Variants in FAF1 observed in about 807,000 individuals in gnomAD.
FAF1 encodes the protein Fas associated factor 1, also known as FAS-associated factor 1.
A neutral mutation model predicts 92.5 loss-of-function variants in FAF1; 25 were observed. The observed-to-expected ratio is 0.27, with a 90% CI of 0.20 to 0.38. FAF1 has a LOEUF of 0.38. Ranked by LOEUF, FAF1 falls within the 10% of genes least tolerant of loss-of-function variation. The probability of loss-of-function intolerance (pLI) is 1.00; values close to 1 mark genes in which losing one functional copy is unlikely to be tolerated. For synonymous variants in FAF1, 234 were observed against 273.2 expected (o/e 0.86, Z 1.42); for missense variants, 636 against 793.3 (o/e 0.80, Z 2.38).
At chr1:50,862,437 G>A (rs1644443644) in intron 1 of FAF1, among the ~76,000 whole-genome samples, 1 of 151,848 alleles carries the variant, frequency 6.6e-6, no homozygotes, top group Admixed American at 6.6e-5. Context: ...AGGGCAGTGG[G>A]CAGAGGAGAA....
intron 17 of FAF1, among the ~76,000 whole-genome samples, chr1:50,483,476 T>A (rs1646725639): frequency 6.6e-6 from 1 of 152,216 alleles, no homozygotes; most frequent in South Asian, 2.1e-4. Flanking sequence ...CTTTTTCATA[T>A]AAATTTAAGA....
intron 7 of FAF1, among the ~76,000 whole-genome samples, chr1:50,669,559 TA>T (rs921157557): frequency 1.3e-4 from 19 of 151,032 alleles, no homozygotes; most frequent in Admixed American, 4.0e-4. Context: ...ATATAGTTGA[TA>T]AAAAAAATTG....
intron 7 of FAF1, among the ~76,000 whole-genome samples, chr1:50,668,185 T>C (rs2124331470): frequency 6.6e-6 from 1 of 152,308 alleles, no homozygotes; most frequent in Non-Finnish European, 1.5e-5. Flanking sequence ...AAATAAACCA[T>C]TCAAGTCATC....
chr1:50,738,727 A>G (rs992129634), intron 6 of FAF1, 136 bp downstream of exon 6: 22 of 603,120 alleles, frequency 3.6e-5, no homozygotes, highest in Non-Finnish European at 5.9e-5. Flanking sequence ...CAAACCTGAT[A>G]TACTTCATAG....
In FAF1 at chr1:50,959,982, C is replaced by T. The variant is rs1347445067; in HGVS notation, c.-171G>A. 1.2e-4 allele frequency: 48 copies of T among 396,446 alleles called. No individual in the cohort carries two copies. The highest frequency in any genetic ancestry group is 4.6e-5 in the Admixed American group (1 of 21,976). 24.6% of individuals were successfully genotyped at this position (396,446 alleles called of 1,614,324 possible). Reference sequence around the variant, plus strand: ...AGCGGGCGGGGCAGCGCGGGAAGCGCTAGGCGCTCATGCACTCGGTAACCT... The same window carrying T: ...AGCGGGCGGGGCAGCGCGGGAAGCGTTAGGCGCTCATGCACTCGGTAACCT... On this transcript the variant is annotated 5_prime_UTR_variant, in exon 1 of 19. It removes the in-frame stop codon of an upstream open reading frame in the 5' UTR. Transcript: ENST00000396153.
intron 4 of FAF1, among the ~76,000 whole-genome samples, chr1:50,767,433 T>G (rs1660616892): frequency 1.3e-5 from 2 of 152,130 alleles, no homozygotes; most frequent in Non-Finnish European, 2.9e-5. Flanking sequence ...TCACTAGACA[T>G]GCCAACATTC....
chr1:50,502,205 CAGTT>C (rs1205105728), intron 15 of FAF1, among the ~76,000 whole-genome samples: 6 of 152,280 alleles, frequency 3.9e-5, no homozygotes, highest in Non-Finnish European at 5.9e-5. Context: ...GACCAACTCT[CAGTT>C]AGAGACTCAA....
intron 2 of FAF1, among the ~76,000 whole-genome samples, chr1:50,822,447 C>G (rs1644051610): frequency 6.6e-6 from 1 of 152,254 alleles, no homozygotes; most frequent in East Asian, 1.9e-4. Flanking sequence ...ATTTGACAAC[C>G]AAGATTTCAT....
intron 4 of FAF1, among the ~76,000 whole-genome samples, chr1:50,747,528 G>C (rs1659677734): frequency 6.6e-6 from 1 of 152,126 alleles, no homozygotes; most frequent in Non-Finnish European, 1.5e-5. Flanking sequence ...TAAGTAACCT[G>C]CTTTTGCTTT....
chr1:50,824,885 G>A (rs2124624792), intron 2 of FAF1, among the ~76,000 whole-genome samples: 1 of 152,124 alleles, frequency 6.6e-6, no homozygotes, highest in South Asian at 2.1e-4. Flanking sequence ...ATATGTCAGA[G>A]CTAAAAAAAA....
chr1:50,519,478 GGAAA>G (rs1159835581), intron 15 of FAF1, among the ~76,000 whole-genome samples: 2 of 150,484 alleles, frequency 1.3e-5, no homozygotes, highest in African/African-American at 2.4e-5. Context: ...AAGGAAGGAA[GGAAA>G]GAAAGAAAAT....
At chr1:50,600,732 AGAAG>A (rs1246160175) in intron 8 of FAF1, among the ~76,000 whole-genome samples, 1 of 152,166 alleles carries the variant, frequency 6.6e-6, no homozygotes, top group Non-Finnish European at 1.5e-5. Flanking sequence ...TAAATGCAGA[AGAAG>A]GAAGACACGA....
chr1:50,501,531 G>A (rs778184556), intron 15 of FAF1, among the ~76,000 whole-genome samples: 3 of 151,926 alleles, frequency 2.0e-5, no homozygotes, highest in South Asian at 4.1e-4. Context: ...CGTGGTGGCA[G>A]GCACCTGTAA....
At chr1:50,623,449 G>C (rs1288132796) in intron 8 of FAF1, among the ~76,000 whole-genome samples, 2 of 151,724 alleles carry the variant, frequency 1.3e-5, no homozygotes. Flanking sequence ...TGCACCTGTA[G>C]TCCCAGCTAC....
intron 15 of FAF1, among the ~76,000 whole-genome samples, chr1:50,511,087 T>G (rs1030820222): frequency 3.3e-5 from 5 of 152,200 alleles, no homozygotes; most frequent in African/African-American, 1.2e-4. Flanking sequence ...TGTAAGGCTC[T>G]CCAAATGCAT....
At chr1:50,851,848 C>A (rs944444104) in intron 2 of FAF1, among the ~76,000 whole-genome samples, 1 of 151,790 alleles carries the variant, frequency 6.6e-6, no homozygotes, top group Non-Finnish European at 1.5e-5. Flanking sequence ...TCAGGTAAAC[C>A]AATGTGAGTT....
In FAF1 at chr1:50,897,635, A is replaced by T. The variant is rs140571912; in HGVS notation, c.46-39638T>A. Reference sequence around the variant, plus strand: ...TGTTCACTATAAAGTCGACCTAAAAACATTTCTAATTTTATAGAACAAGGA... The same window carrying T: ...TGTTCACTATAAAGTCGACCTAAAATCATTTCTAATTTTATAGAACAAGGA... On this transcript the variant is annotated intron_variant, in intron 1 of 18. Transcript: ENST00000396153. Among the ~76,000 whole-genome samples, 1,207 of 152,328 alleles carry T rather than the reference A, an allele frequency of 7.9e-3. 12 individuals carry two copies. The highest frequency in any genetic ancestry group is 0.027 in the African/African-American group (1,139 of 41,572).
chr1:50,857,918 A>G lies in FAF1; in HGVS notation c.114+11T>C. 6.4e-7 allele frequency: 1 copy of G among 1,556,308 alleles called. No individual in the cohort carries two copies. Among genetic ancestry groups the G allele is most frequent in the East Asian group, 2.3e-5 (1 of 43,680 alleles). On this transcript the variant is annotated intron_variant, in intron 2 of 18. Coordinates refer to ENST00000396153, the MANE Select transcript of FAF1 (RefSeq NM_007051.3). ...TTTGATTACTCATCAGAGAAAGAAA[A>G]AAGTACTTACCACTAAGTCCCAATT...
Position 50,783,846 on chromosome 1 carries a change from G to A in FAF1, c.367+4154C>T, listed in dbSNP as rs12066286. Among the ~76,000 whole-genome samples, 1,107 of 152,224 alleles carry A rather than the reference G, an allele frequency of 7.3e-3. 12 individuals carry two copies. Among genetic ancestry groups the A allele is most frequent in the African/African-American group, 0.025 (1,057 of 41,526 alleles). On this transcript the variant is annotated intron_variant, in intron 4 of 18. Transcript: ENST00000396153. ...ACCAAGATCACACCACTGCACTCCAGCCTGGGTGACAGAGTGAGACTCCAT... is the reference window on the plus strand; with the variant it reads ...ACCAAGATCACACCACTGCACTCCAACCTGGGTGACAGAGTGAGACTCCAT...
Sources: gnomAD v4.1 joint callset for allele counts (sites outside exome capture counted in the v4.1 genomes callset) on GRCh38, gnomAD v4.1.1 for gene constraint, MANE v1.5 for transcripts, NCBI Gene and HGNC (gene_info 2026-07-23, HGNC 2026-07-21) for gene names.